The following PDE8A variants were observed in gnomAD, a reference collection of about 807,000 sequenced individuals.
PDE8A encodes high affinity cAMP-specific and IBMX-insensitive 3',5'-cyclic phosphodiesterase 8A.
Under a neutral mutation model 105.0 loss-of-function variants are expected in PDE8A, and 59 were observed. That is an observed-to-expected ratio of 0.56 (90% CI 0.46 to 0.70). The LOEUF (loss-of-function observed/expected upper bound fraction) is 0.70, where lower values mean the gene tolerates loss of function less well. PDE8A is among the 30% of genes least tolerant of loss of function. PDE8A has a pLI of 0.00. For synonymous variants in PDE8A, 355 were observed against 371.9 expected (o/e 0.95, Z 0.52); for missense variants, 1,014 against 1,045.9 (o/e 0.97, Z 0.42).
Position 85,120,833 on chromosome 15 carries a change from A to C in PDE8A, c.1771A>C (p.Ile591Leu), listed in dbSNP as rs530786771. ...TCCAATTGATGAGGTCGCTGCACTC[A>C]TCGCAGCCACCATTCATGATGTGGA... ...LDPIDEVAAL[I>L]AATIHDVDHP... Residue 591 changes from isoleucine to leucine, a missense_variant, in exon 18 of 22, where the codon ATC becomes CTC. Ile to Leu is a conservative substitution (Grantham distance 5). Transcript: ENST00000394553. The C allele has an allele frequency of 3.2e-5, 52 of 1,614,074 alleles. 1 individual carries two copies. The South Asian group carries it at 5.1e-4, about 16-fold the overall frequency.
intron 11 of PDE8A, among the ~76,000 whole-genome samples, chr15:85,103,947 C>G (rs2081907028): frequency 6.6e-6 from 1 of 152,212 alleles, no homozygotes; most frequent in African/African-American, 2.4e-5. Context: ...GAGTCTCTGG[C>G]CTTCTCCCTC....
intron 2 of PDE8A, among the ~76,000 whole-genome samples, chr15:85,066,635 CACACACAG>C (rs2081233272): frequency 8.6e-6 from 1 of 116,092 alleles, no homozygotes; most frequent in Non-Finnish European, 1.8e-5. Context: ...CACACACACA[CACACACAG>C]AAATGACGAT....
chr15:85,121,685 A>G (rs8041624), intron 18 of PDE8A, among the ~76,000 whole-genome samples: 33,700 of 151,876 alleles, frequency 0.22, 4,375 homozygotes, highest in East Asian at 0.48. Flanking sequence ...TGGTTTTAGT[A>G]TATTCATAGA....
chr15:85,027,018 C>T (rs1167387423), intron 1 of PDE8A, among the ~76,000 whole-genome samples: 1 of 151,976 alleles, frequency 6.6e-6, no homozygotes, highest in African/African-American at 2.4e-5. Context: ...CTCTTAATAC[C>T]TCAGTTAATA....
intron 1 of PDE8A, among the ~76,000 whole-genome samples, chr15:85,021,894 A>T (rs1357077783): frequency 3.3e-5 from 5 of 152,224 alleles, no homozygotes; most frequent in Non-Finnish European, 7.3e-5. Context: ...TTACTGCATC[A>T]TATCAGAAGG....
chr15:85,132,178 C>G (rs981013930), intron 20 of PDE8A, among the ~76,000 whole-genome samples: 17 of 152,110 alleles, frequency 1.1e-4, no homozygotes, highest in Non-Finnish European at 1.6e-4. Context: ...CACTATGTTG[C>G]CCAAGCTGGT....
intron 5 of PDE8A, 124 bp downstream of exon 5, chr15:85,076,911 T>C (rs960851100): frequency 4.1e-5 from 28 of 677,428 alleles, no homozygotes; most frequent in Non-Finnish European, 5.9e-5. Context: ...CCAGGCGTGG[T>C]GGCTCATACC....
intron 15 of PDE8A, 93 bp from the exon 16 acceptor site, chr15:85,115,891 G>C: frequency 8.7e-7 from 1 of 1,147,074 alleles, no homozygotes. Context: ...CAACACTCCA[G>C]CCTGGGCAAC....
chr15:85,089,058 G>A (rs1040208169), intron 6 of PDE8A, among the ~76,000 whole-genome samples: 1 of 152,148 alleles, frequency 6.6e-6, no homozygotes, highest in African/African-American at 2.4e-5. Flanking sequence ...GGGTCCCACA[G>A]CTGCTGAAGA....
At chr15:84,998,381 A>C (rs2080013484) in intron 1 of PDE8A, among the ~76,000 whole-genome samples, 1 of 152,188 alleles carries the variant, frequency 6.6e-6, no homozygotes, top group African/African-American at 2.4e-5. Flanking sequence ...ATGCTCTTCT[A>C]ATTCAGGTTT....
At chr15:85,126,114 C>A (rs895654718) in intron 19 of PDE8A, 93 bp from the exon 20 acceptor site, 5 of 810,844 alleles carry the variant, frequency 6.2e-6, no homozygotes, top group Non-Finnish European at 9.6e-6. Flanking sequence ...CTGACTAGTG[C>A]TCTTTTTATG....
intron 1 of PDE8A, among the ~76,000 whole-genome samples, chr15:85,012,309 CAAT>C (rs2080252113): frequency 6.6e-6 from 1 of 152,078 alleles, no homozygotes; most frequent in African/African-American, 2.4e-5. Flanking sequence ...AAATATCCAA[CAAT>C]GATAGACTGG....
chr15:85,090,120 G>C (rs1036149096), intron 7 of PDE8A, among the ~76,000 whole-genome samples: 1 of 152,162 alleles, frequency 6.6e-6, no homozygotes, highest in African/African-American at 2.4e-5. Context: ...CTTTGAGTTG[G>C]TGCCCTGAGA....
intron 3 of PDE8A, 113 bp from the exon 4 acceptor site, chr15:85,075,749 A>G (rs2081371374): frequency 1.7e-6 from 1 of 590,262 alleles, no homozygotes; most frequent in South Asian, 2.4e-5. Flanking sequence ...TGAGGGGATC[A>G]TTTACTCTCC....
intron 2 of PDE8A, among the ~76,000 whole-genome samples, chr15:85,066,519 A>C (rs945808076): frequency 6.6e-6 from 1 of 151,262 alleles, no homozygotes; most frequent in Non-Finnish European, 1.5e-5. Flanking sequence ...AGCTGACATC[A>C]CACCACTGTA....
chr15:85,019,192 T>C (rs2080378544), intron 1 of PDE8A, among the ~76,000 whole-genome samples: 1 of 152,170 alleles, frequency 6.6e-6, no homozygotes, highest in African/African-American at 2.4e-5. Context: ...GGGAAATGTA[T>C]ATGAGTGATG....
At chr15:84,999,492 A>G (rs1015598977) in intron 1 of PDE8A, among the ~76,000 whole-genome samples, 4 of 152,222 alleles carry the variant, frequency 2.6e-5, no homozygotes, top group African/African-American at 9.6e-5. Flanking sequence ...ACCATGGGCT[A>G]GGAACTGCAC....
intron 11 of PDE8A, among the ~76,000 whole-genome samples, chr15:85,101,426 G>A (rs2099466366): frequency 6.6e-6 from 1 of 152,112 alleles, no homozygotes; most frequent in South Asian, 2.1e-4. Context: ...GCATAGAAGG[G>A]GGAAAGTACA....
At chr15:85,132,516 A>T (rs904377928) in intron 20 of PDE8A, among the ~76,000 whole-genome samples, 4 of 152,092 alleles carry the variant, frequency 2.6e-5, no homozygotes, top group African/African-American at 9.7e-5. Flanking sequence ...CCCAAGCTGG[A>T]GTGCAATGGT....
Sources: gnomAD v4.1 joint callset for allele counts (sites outside exome capture counted in the v4.1 genomes callset) on GRCh38, gnomAD v4.1.1 for gene constraint, MANE v1.5 for transcripts, NCBI Gene and HGNC (gene_info 2026-07-23, HGNC 2026-07-21) for gene names.